Variants in RANBP17 observed in about 807,000 individuals in gnomAD.
The protein encoded by RANBP17 is RAN binding protein 17.
Under a neutral mutation model 141.2 loss-of-function variants are expected in RANBP17, and 158 were observed. The ratio of observed to expected loss-of-function variants is 1.12; its 90% confidence interval spans 0.98 to 1.28. The LOEUF is 1.28. Ranked by LOEUF, RANBP17 falls within the 50% of genes most tolerant of loss-of-function variation. The probability of loss-of-function intolerance (pLI) is 0.00; values close to 1 mark genes in which losing one functional copy is unlikely to be tolerated. For synonymous variants in RANBP17, 430 were observed against 450.0 expected (o/e 0.96, Z 0.56); for missense variants, 1,438 against 1,290.7 (o/e 1.11, Z -1.75).
intron 14 of RANBP17, among the ~76,000 whole-genome samples, chr5:170,990,043 T>C (rs1239685243): frequency 6.6e-6 from 1 of 151,836 alleles, no homozygotes; most frequent in Non-Finnish European, 1.5e-5. Context: ...AAAGTCCAAG[T>C]TAAAGTGCTT....
At chr5:170,937,938 G>A (rs1306749179) in intron 12 of RANBP17, among the ~76,000 whole-genome samples, 1 of 152,014 alleles carries the variant, frequency 6.6e-6, no homozygotes, top group Non-Finnish European at 1.5e-5. Context: ...CCTCTGAAAG[G>A]CCTTTTAGCT....
At chr5:171,137,612 G>C (rs865894013) in intron 14 of RANBP17, among the ~76,000 whole-genome samples, 39 of 142,652 alleles carry the variant, frequency 2.7e-4, no homozygotes, top group South Asian at 7.2e-4. Flanking sequence ...GTGTCTGTGT[G>C]TGTGTGTGTG....
intron 1 of RANBP17, among the ~76,000 whole-genome samples, chr5:170,871,269 G>A (rs185712046): frequency 0.013 from 2,015 of 152,112 alleles, 47 homozygotes; most frequent in African/African-American, 0.043. Flanking sequence ...GGATGGTCTC[G>A]AACTCCTGAC....
chr5:171,288,763 T>C (rs1768313685), intron 25 of RANBP17, among the ~76,000 whole-genome samples: 1 of 152,216 alleles, frequency 6.6e-6, no homozygotes, highest in South Asian at 2.1e-4. Flanking sequence ...GTGGGAATAC[T>C]TGTCAGGCAC....
intron 14 of RANBP17, among the ~76,000 whole-genome samples, chr5:171,053,883 A>G (rs1363139387): frequency 2.0e-4 from 2 of 10,110 alleles, no homozygotes; most frequent in East Asian, 0.012. Context: ...TAGTTCATAT[A>G]TATATATATA....
intron 5 of RANBP17, among the ~76,000 whole-genome samples, chr5:170,906,921 A>G (rs1166791953): frequency 6.6e-6 from 1 of 151,924 alleles, no homozygotes; most frequent in Non-Finnish European, 1.5e-5. Flanking sequence ...TTTTGGCTTT[A>G]TATGGTGAAA....
intron 24 of RANBP17, among the ~76,000 whole-genome samples, chr5:171,265,305 C>T (rs969216304): frequency 5.3e-5 from 8 of 152,274 alleles, no homozygotes; most frequent in African/African-American, 1.7e-4. Context: ...GAGGCCAAGG[C>T]GGGTGAATCA....
At chr5:170,888,909 C>T (rs1214156566) in intron 3 of RANBP17, among the ~76,000 whole-genome samples, 1 of 152,012 alleles carries the variant, frequency 6.6e-6, no homozygotes, top group African/African-American at 2.4e-5. Flanking sequence ...TCTCATTCAT[C>T]ACCATTCAAC....
chr5:171,023,164 A>T (rs911242816), intron 14 of RANBP17, among the ~76,000 whole-genome samples: 2 of 152,134 alleles, frequency 1.3e-5, no homozygotes, highest in African/African-American at 2.4e-5. Flanking sequence ...TCACATGCCT[A>T]TTATAGTTCT....
chr5:171,092,964 A>G (rs1786413404), intron 14 of RANBP17, among the ~76,000 whole-genome samples: 1 of 152,186 alleles, frequency 6.6e-6, no homozygotes, highest in African/African-American at 2.4e-5. Context: ...TGTCTATGCC[A>G]CTGCCTGTGA....
At position 171,100,235 on chromosome 5, in the gene RANBP17, G is replaced by A. The variant is rs1388480192; in HGVS notation, c.1711-69895G>A. Among the ~76,000 whole-genome samples, 2 of 152,058 alleles carry A rather than the reference G, an allele frequency of 1.3e-5. 1 individual carries two copies. Among genetic ancestry groups the A allele is most frequent in the South Asian group, 4.1e-4 (2 of 4,824 alleles). On this transcript the variant is annotated intron_variant, in intron 14 of 27. Transcript: ENST00000523189. ...TTTGGCTGTGAATTTGTCTGGTCCTGGGCTTTTTTTGGTTGATAGGCTATT... is the reference window on the plus strand; with the variant it reads ...TTTGGCTGTGAATTTGTCTGGTCCTAGGCTTTTTTTGGTTGATAGGCTATT...
chr5:171,256,801 C>A (rs2128009770), intron 24 of RANBP17, among the ~76,000 whole-genome samples: 1 of 151,634 alleles, frequency 6.6e-6, no homozygotes, highest in South Asian at 2.1e-4. Flanking sequence ...AACTAGAAAG[C>A]CTAGAAAAAA....
intron 25 of RANBP17, among the ~76,000 whole-genome samples, chr5:171,285,328 A>G (rs1217257307): frequency 1.3e-5 from 2 of 152,214 alleles, no homozygotes; most frequent in African/African-American, 4.8e-5. Flanking sequence ...GGTATAGGCC[A>G]TTAGAGGTTC....
intron 25 of RANBP17, among the ~76,000 whole-genome samples, chr5:171,282,454 ATGTTGTTGTTGTTGTTGTTGT>A (rs11269694): frequency 5.4e-5 from 8 of 149,450 alleles, no homozygotes; most frequent in Non-Finnish European, 1.2e-4. Context: ...AGAAAGCTGC[ATGTTGTTGTTGTTGTTGTTGT>A]TGTTGTTGTT....
At chr5:171,051,482 A>C (rs1561593715) in intron 14 of RANBP17, among the ~76,000 whole-genome samples, 1 of 152,164 alleles carries the variant, frequency 6.6e-6, no homozygotes. Flanking sequence ...TAAATAAATC[A>C]TACAATATTT....
intron 14 of RANBP17, among the ~76,000 whole-genome samples, chr5:171,068,193 T>C (rs536469272): frequency 1.3e-5 from 2 of 152,256 alleles, no homozygotes; most frequent in South Asian, 2.1e-4. Flanking sequence ...TAATTTCAGC[T>C]CTTATAATTT....
intron 14 of RANBP17, among the ~76,000 whole-genome samples, chr5:171,074,899 G>A (rs942280409): frequency 1.3e-5 from 2 of 152,134 alleles, no homozygotes; most frequent in Non-Finnish European, 2.9e-5. Flanking sequence ...GTTGGTTGTT[G>A]TCTTCTCTGC....
At chr5:170,941,763 AC>A (rs1774341646) in intron 12 of RANBP17, among the ~76,000 whole-genome samples, 1 of 152,244 alleles carries the variant, frequency 6.6e-6, no homozygotes, top group Non-Finnish European at 1.5e-5. Context: ...AAGAAATCTT[AC>A]AGAAAAATGT....
intron 14 of RANBP17, among the ~76,000 whole-genome samples, chr5:171,144,103 C>T (rs1757884315): frequency 6.6e-6 from 1 of 152,138 alleles, no homozygotes; most frequent in African/African-American, 2.4e-5. Flanking sequence ...TGGCTCATAC[C>T]TGTAATTTCA....
Sources: allele counts gnomAD v4.1 joint callset (sites outside exome capture counted in the v4.1 genomes callset), GRCh38; gene constraint gnomAD v4.1.1; transcripts MANE v1.5; gene names NCBI Gene and HGNC (gene_info 2026-07-23, HGNC 2026-07-21).